Variants in CLSTN1 observed in about 807,000 individuals in gnomAD.
CLSTN1 encodes the protein calsyntenin-1.
A neutral mutation model predicts 108.3 loss-of-function variants in CLSTN1; 28 were observed. That is an observed-to-expected ratio of 0.26 (90% CI 0.19 to 0.35). The LOEUF is 0.35. Ranked by LOEUF, CLSTN1 falls within the 10% of genes least tolerant of loss-of-function variation. CLSTN1 has a pLI of 1.00. For missense variants in CLSTN1, 1,157 were observed against 1,302.6 expected (o/e 0.89, Z 1.72); for synonymous variants, 524 against 534.9 (o/e 0.98, Z 0.28).
intron 8 of CLSTN1, 114 bp from the exon 9 acceptor site, chr1:9,744,119 C>T (rs1009370917): frequency 5.6e-6 from 8 of 1,421,534 alleles, no homozygotes; most frequent in South Asian, 5.3e-5. Flanking sequence ...ATGAACTCTT[C>T]GGCTAAGCCA....
chr1:9,800,444 G>A (rs1022900490), intron 1 of CLSTN1, among the ~76,000 whole-genome samples: 2 of 151,666 alleles, frequency 1.3e-5, no homozygotes, highest in Non-Finnish European at 2.9e-5. Flanking sequence ...AAGGGGCTGG[G>A]CATGGTGGTT....
At chr1:9,822,771 G>A (rs1000303319) in intron 1 of CLSTN1, among the ~76,000 whole-genome samples, 4 of 152,102 alleles carry the variant, frequency 2.6e-5, no homozygotes, top group African/African-American at 9.7e-5. Flanking sequence ...TAATAAATTA[G>A]CCAAGAAATA....
intron 1 of CLSTN1, among the ~76,000 whole-genome samples, chr1:9,806,587 A>AAT (rs1654515345): frequency 6.6e-6 from 1 of 152,122 alleles, no homozygotes. Flanking sequence ...AATCTATAAA[A>AAT]ATAGACACGA....
intron 10 of CLSTN1, among the ~76,000 whole-genome samples, chr1:9,739,570 G>A (rs753391469): frequency 7.2e-5 from 11 of 152,152 alleles, no homozygotes; most frequent in Non-Finnish European, 1.3e-4. Context: ...TGAGCCAGGC[G>A]CAGTGGCTCA....
chr1:9,786,374 G>A (rs1570491245), intron 1 of CLSTN1, among the ~76,000 whole-genome samples: 1 of 152,214 alleles, frequency 6.6e-6, no homozygotes, highest in East Asian at 1.9e-4. Context: ...GGGCGCGGTG[G>A]CTCATGCCTG....
At chr1:9,805,110 A>C (rs1654451154) in intron 1 of CLSTN1, among the ~76,000 whole-genome samples, 1 of 152,072 alleles carries the variant, frequency 6.6e-6, no homozygotes. Flanking sequence ...ACAGAGCAAG[A>C]CTCCTCTCAA....
chr1:9,739,649 G>C (rs1020425789), intron 10 of CLSTN1, among the ~76,000 whole-genome samples: 2 of 152,056 alleles, frequency 1.3e-5, no homozygotes, highest in Non-Finnish European at 2.9e-5. Context: ...TTTGAGATCA[G>C]CCTGGGCAAC....
At chr1:9,786,648 CAAAAA>C (rs36003203) in intron 1 of CLSTN1, among the ~76,000 whole-genome samples, 2 of 37,094 alleles carry the variant, frequency 5.4e-5, no homozygotes, top group South Asian at 1.4e-3. Flanking sequence ...GACTCCGTCT[CAAAAA>C]AAAAAAAAAA....
At chr1:9,743,536 A>G (rs34757023) in intron 9 of CLSTN1, among the ~76,000 whole-genome samples, 2,419 of 152,276 alleles carry the variant, frequency 0.016, 116 homozygotes, top group South Asian at 0.11. Flanking sequence ...ACTCTCTCTT[A>G]GAAGATGACA....
intron 1 of CLSTN1, among the ~76,000 whole-genome samples, chr1:9,792,206 A>ACAG (rs1168958333): frequency 1.3e-5 from 2 of 150,942 alleles, no homozygotes; most frequent in Non-Finnish European, 1.5e-5. Context: ...AACAACAACA[A>ACAG]CAACAACAAA....
chr1:9,809,484 C>T (rs573047203), intron 1 of CLSTN1, among the ~76,000 whole-genome samples: 1 of 152,212 alleles, frequency 6.6e-6, no homozygotes, highest in South Asian at 2.1e-4. Flanking sequence ...ATTCACTTCT[C>T]TAAAATCTAA....
chr1:9,789,800 G>A (rs1011366707), intron 1 of CLSTN1, among the ~76,000 whole-genome samples: 2 of 151,204 alleles, frequency 1.3e-5, no homozygotes, highest in African/African-American at 4.8e-5. Flanking sequence ...GCAACATGGC[G>A]AAACCCGTCT....
Position 9,741,565 on chromosome 1 carries a change from C to T in CLSTN1, c.1357-309G>A, listed in dbSNP as rs117946151. Among the ~76,000 whole-genome samples, 220 of 152,214 alleles carry T rather than the reference C, an allele frequency of 1.4e-3. 5 individuals are homozygous for T. In the East Asian group the frequency reaches 0.04, roughly 28 times the overall value. On this transcript the variant is annotated intron_variant, in intron 9 of 18. Transcript: ENST00000377298. ...TATGGGCAAGCTGGATACCCACCCT[C>T]GAAAGGGTTGAGTTAGTTTACCACT... is the stretch of plus-strand genomic sequence containing the variant.
intron 5 of CLSTN1, among the ~76,000 whole-genome samples, chr1:9,750,897 AAAC>A (rs907512241): frequency 2.0e-5 from 3 of 151,848 alleles, no homozygotes; most frequent in African/African-American, 4.8e-5. Flanking sequence ...CTAAAAATAC[AAAC>A]AACAACAACA....
rs368044498 is a variant in CLSTN1, at chr1:9,731,719, G to A, written c.2563+42C>T. On this transcript the variant is annotated intron_variant, in intron 17 of 18. Transcript: ENST00000377298. ...ACGGTGGGGTGGGGGCAGGGCGGAC[G>A]GCATGGAGCATCTCCGCTTGGTCTC... 142 of 1,609,694 alleles carry A rather than the reference G, an allele frequency of 8.8e-5. 1 individual carries two copies. In the Admixed American group the frequency reaches 1.1e-3, roughly 13 times the overall value.
At chr1:9,779,433 C>T (rs1265865137) in intron 1 of CLSTN1, among the ~76,000 whole-genome samples, 1 of 150,842 alleles carries the variant, frequency 6.6e-6, no homozygotes, top group Non-Finnish European at 1.5e-5. Context: ...ATTAGCCAGG[C>T]GTAATCCCAG....
At chr1:9,781,280 AAG>A in intron 1 of CLSTN1, 2 of 701,646 alleles carry the variant, frequency 2.9e-6, no homozygotes, top group Non-Finnish European at 5.1e-6. Context: ...CAAGCTCTGC[AAG>A]AGGATTTAAA....
chr1:9,777,665 C>T (rs968991732), intron 1 of CLSTN1, among the ~76,000 whole-genome samples: 1 of 152,016 alleles, frequency 6.6e-6, no homozygotes, highest in Non-Finnish European at 1.5e-5. Flanking sequence ...AGAAGAGTGG[C>T]AACAGTTTTG....
chr1:9,823,559 G>A lies in CLSTN1; in HGVS notation c.91+84C>T. On this transcript the variant is annotated intron_variant, in intron 1 of 18. Transcript: ENST00000377298. This position sits in a 1 kb window ranked among gnomAD's most constrained non-coding sequence, Gnocchi z 6.3. ...CGGCCCTACTCCCGCACCCGGACCCGAATCCCCGCACCGGGACCCGAATCC... is the reference window on the plus strand; with the variant it reads ...CGGCCCTACTCCCGCACCCGGACCCAAATCCCCGCACCGGGACCCGAATCC... The A allele has an allele frequency of 3.2e-6, 3 of 933,604 alleles. No homozygotes were observed. The highest frequency in any genetic ancestry group is 4.0e-6 in the Non-Finnish European group (3 of 743,384). 57.8% of individuals were successfully genotyped at this position (933,604 alleles called of 1,614,324 possible).
Sources: allele counts gnomAD v4.1 joint callset (sites outside exome capture counted in the v4.1 genomes callset), GRCh38; gene constraint gnomAD v4.1.1; non-coding constraint Gnocchi (gnomAD v3.1); transcripts MANE v1.5; gene names NCBI Gene and HGNC (gene_info 2026-07-23, HGNC 2026-07-21).